The following SPRYD3 variants were observed in gnomAD, a reference collection of about 807,000 sequenced individuals.
The protein encoded by SPRYD3 is SPRY domain-containing protein 3.
In SPRYD3, 17 loss-of-function variants were observed where a neutral mutation model predicts 50.1. That is an observed-to-expected ratio of 0.34 (90% CI 0.23 to 0.51). The LOEUF (loss-of-function observed/expected upper bound fraction) is 0.51. Ranked by LOEUF, SPRYD3 falls within the 20% of genes least tolerant of loss-of-function variation. The pLI, the probability that SPRYD3 is intolerant of heterozygous loss-of-function variation, is 0.97. For synonymous variants in SPRYD3, 198 were observed against 215.5 expected, an observed-to-expected ratio of 0.92 and a Z score of 0.71; for missense variants, 401 against 591.2, an observed-to-expected ratio of 0.68 and a Z score of 3.34.
chr12:53,065,028 C>A lies in SPRYD3; in HGVS notation c.*804G>T. 6.6e-6 allele frequency: 1 copy of A among 152,636 alleles called. No homozygotes were observed. Among genetic ancestry groups the A allele is most frequent in the African/African-American group, 2.4e-5 (1 of 41,588 alleles). The allele number at this position is 152,636 out of a possible 1,614,324, so 9.5% of individuals were successfully genotyped here. A position where few individuals can be genotyped will look rare whatever the true frequency, so the allele number is the denominator to read the frequency against. On this transcript the variant is annotated 3_prime_UTR_variant, in exon 11 of 11. Transcript: ENST00000301463. Reference sequence around the variant, plus strand: ...TCTTGCCCTCACGCTGGCAGGGAGACAGGCCCCAGAGCCTCAGCCCCAATA... The same window carrying A: ...TCTTGCCCTCACGCTGGCAGGGAGAAAGGCCCCAGAGCCTCAGCCCCAATA...
intron 1 of SPRYD3, chr12:53,078,218 G>T (rs11170400): frequency 0.087 from 32,502 of 372,216 alleles, 2,004 homozygotes; most frequent in East Asian, 0.13. Context: ...CCTGGGCCTG[G>T]TGGCTCACGT....
rs1255209953 is a variant in SPRYD3 at position 53,074,061 on chromosome 12, G to T, written c.507+588C>A. On this transcript the variant is annotated intron_variant, in intron 5 of 10. Coordinates refer to ENST00000301463, the MANE Select transcript of SPRYD3 (RefSeq NM_032840.3). The surrounding 1 kb of genome is among the most constrained non-coding windows in gnomAD (Gnocchi z 4.6). ...CTGGACAGGAGAGTGCCGAGGCGCAGATGCTAAGGCAGCAGGACCCCTTGG... is the reference window on the plus strand; with the variant it reads ...CTGGACAGGAGAGTGCCGAGGCGCATATGCTAAGGCAGCAGGACCCCTTGG... Among the ~76,000 whole-genome samples the T allele has an allele frequency of 6.6e-6, 1 of 152,094 alleles. No homozygotes were observed. Among genetic ancestry groups the T allele is most frequent in the African/African-American group, 2.4e-5 (1 of 41,408 alleles).
At chr12:53,067,518 A>G in intron 8 of SPRYD3, 130 bp downstream of exon 8, 3 of 806,176 alleles carry the variant, frequency 3.7e-6, no homozygotes, top group Non-Finnish European at 6.3e-6. Flanking sequence ...GCGATTTGGG[A>G]AGGGGAGGTC....
intron 2 of SPRYD3, among the ~76,000 whole-genome samples, chr12:53,076,135 C>A (rs536297378): frequency 1.3e-5 from 2 of 152,248 alleles, no homozygotes; most frequent in Non-Finnish European, 2.9e-5. Flanking sequence ...TCTCATGCTG[C>A]AGCTTCAGCC....
chr12:53,069,163 T>C (rs542249399), intron 6 of SPRYD3, among the ~76,000 whole-genome samples: 1 of 152,224 alleles, frequency 6.6e-6, no homozygotes, highest in East Asian at 1.9e-4. Context: ...TCAGTTGTCA[T>C]GGTAATAGTG....
In SPRYD3 at chr12:53,077,265, C is replaced by T; in HGVS notation, c.24-4G>A. 3 of 1,614,098 alleles carry T rather than the reference C, an allele frequency of 1.9e-6. No individual in the cohort carries two copies. In the East Asian group the frequency reaches 6.7e-5, roughly 36 times the overall value. On this transcript the variant is annotated splice_region_variant and splice_polypyrimidine_tract_variant and intron_variant, in intron 1 of 10. Coordinates refer to ENST00000301463, the MANE Select transcript of SPRYD3 (RefSeq NM_032840.3). Reference sequence around the variant, plus strand: ...CATCTTGTTCATGAGAACAAACCTGCCAAGGGGAGAAGGGGATTGAGGAGA... The same window carrying T: ...CATCTTGTTCATGAGAACAAACCTGTCAAGGGGAGAAGGGGATTGAGGAGA...
Position 53,073,308 on chromosome 12 carries a change from T to C in SPRYD3, c.671A>G (p.His224Arg). Residue 224 changes from histidine (H) to arginine (R), a missense_variant, in exon 6 of 11, where the codon CAT becomes CGT. His to Arg is a conservative substitution (Grantham distance 29). Coordinates refer to ENST00000301463, the MANE Select transcript of SPRYD3 (RefSeq NM_032840.3). ...TACAGTCCCACAGACTCTGACATCA[T>C]GTAGCCGGCCCCATTCATCCTCGTA... ...DSYEDEWGRLHDVRVCGTLLE... is the reference protein window; with the variant it reads ...DSYEDEWGRLRDVRVCGTLLE... The C allele has an allele frequency of 3.4e-6, 4 of 1,185,820 alleles. No homozygotes were observed. The highest frequency in any genetic ancestry group is 1.8e-5 in the African/African-American group (1 of 55,250). 73.5% of individuals were successfully genotyped at this position (1,185,820 alleles called of 1,614,324 possible).
rs913490633 is a variant in SPRYD3, at chr12:53,074,725, C to T, written c.431G>A (p.Arg144Gln). ...CACAGGCTCAATGCCACAGCCAATC[C>T]GGTCCCCGGAGTTGCACTTTGACCC... ...QFGSKCNSGD[R>Q]IGCGIEPVSF... Residue 144 changes from arginine (R) to glutamine (Q), a missense_variant, in exon 5 of 11, where the codon CGG (arginine) becomes CAG (glutamine). Physicochemically the swap from Arg to Gln is conservative, Grantham distance 43 (BLOSUM62 1). Transcript: ENST00000301463. This position sits in a 1 kb window ranked among gnomAD's most constrained non-coding sequence, Gnocchi z 4.6. The T allele has an allele frequency of 4.3e-6, 7 of 1,614,170 alleles. No individual in the cohort carries two copies. Among genetic ancestry groups the T allele is most frequent in the African/African-American group, 2.7e-5 (2 of 74,954 alleles).
intron 6 of SPRYD3, among the ~76,000 whole-genome samples, chr12:53,068,794 G>A (rs190493631): frequency 2.0e-5 from 3 of 152,308 alleles, no homozygotes; most frequent in Non-Finnish European, 2.9e-5. Context: ...CAGGGGAAGC[G>A]GGTGAGTTCA....
Position 53,065,939 on chromosome 12 carries a change from T to C in SPRYD3, c.1222A>G (p.Ile408Val). Residue 408 changes from isoleucine (I) to valine (V), a missense_variant, in exon 11 of 11, where the codon ATT (isoleucine) becomes GTT (valine). Coordinates refer to ENST00000301463, the MANE Select transcript of SPRYD3 (RefSeq NM_032840.3). ...GGAACAACAGCATCCTTCTTCCCAATGATCTTGCCATTCCGAGTGAAGAAA... is the reference window on the plus strand; with the variant it reads ...GGAACAACAGCATCCTTCTTCCCAACGATCTTGCCATTCCGAGTGAAGAAA... ...VVFFTRNGKI[I>V]GKKDAVVPSG... 1 of 1,613,414 alleles carries C rather than the reference T, an allele frequency of 6.2e-7. No individual in the cohort carries two copies. The highest frequency in any genetic ancestry group is 8.5e-7 in the Non-Finnish European group (1 of 1,179,416).
Position 53,074,660 on chromosome 12 carries a change from T to C in SPRYD3, c.496A>G (p.Asn166Asp), listed in dbSNP as rs1422864311. The change falls in exon 5 of 11, where the codon AAT becomes GAT. Residue 166 changes from asparagine to aspartate, a missense_variant. By Grantham distance (23) the Asn-to-Asp change is conservative. Coordinates refer to ENST00000301463, the MANE Select transcript of SPRYD3 (RefSeq NM_032840.3). This position sits in a 1 kb window ranked among gnomAD's most constrained non-coding sequence, Gnocchi z 4.6. ...TATTTCCCACTCACCCGCTTCCCATTTTTGGTGAAGAAGATCTGGGCGGTC... is the reference window on the plus strand; with the variant it reads ...TATTTCCCACTCACCCGCTTCCCATCTTTGGTGAAGAAGATCTGGGCGGTC... The part of the protein sequence containing the change: ...VQTAQIFFTK[N>D]GKRVGSTIMP... 2 of 1,614,242 alleles carry C rather than the reference T, an allele frequency of 1.2e-6. No individual in the cohort carries two copies. Among genetic ancestry groups the C allele is most frequent in the South Asian group, 2.2e-5 (2 of 91,088 alleles).
In SPRYD3 at chr12:53,079,308, T is replaced by C; in HGVS notation, c.23+3A>G. 1 of 1,606,826 alleles carries C rather than the reference T, an allele frequency of 6.2e-7. No individual in the cohort carries two copies. Among genetic ancestry groups the C allele is most frequent in the Non-Finnish European group, 8.5e-7 (1 of 1,176,952 alleles). On this transcript the variant is annotated splice_donor_region_variant and intron_variant, in intron 1 of 10. Coordinates refer to ENST00000301463, the MANE Select transcript of SPRYD3 (RefSeq NM_032840.3). Reference sequence around the variant, plus strand: ...CGGGACCCCGCCCCCGATCCCCGCCTACCGGGGCCGCCGCGTCCTCCTCAT... The same window carrying C: ...CGGGACCCCGCCCCCGATCCCCGCCCACCGGGGCCGCCGCGTCCTCCTCAT...
chr12:53,069,864 G>A (rs1249819740), intron 6 of SPRYD3, among the ~76,000 whole-genome samples: 1 of 152,116 alleles, frequency 6.6e-6, no homozygotes, highest in East Asian at 1.9e-4. Flanking sequence ...GAACTGGGTG[G>A]GGGACCCCAC....
At chr12:53,073,255 A>AGGCCCCGGGGGGGGGGGGGGGG in intron 6 of SPRYD3, 31 bp downstream of exon 6, 6 of 383,666 alleles carry the variant, frequency 1.6e-5, no homozygotes, top group Non-Finnish European at 2.5e-5. Flanking sequence ...CCTCCGACCC[A>AGGCCCCGGGGGGGGGGGGGGGG]GCCCCTCCCA....
In SPRYD3 at chr12:53,074,782, A is replaced by G; in HGVS notation, c.374T>C (p.Leu125Pro). The change falls in exon 5 of 11, where the codon CTG (leucine) becomes CCG (proline). Residue 125 changes from leucine to proline, a missense_variant and splice_region_variant. By Grantham distance (98) the Leu-to-Pro change is moderately conservative. Coordinates refer to ENST00000301463, the MANE Select transcript of SPRYD3 (RefSeq NM_032840.3). This position sits in a 1 kb window ranked among gnomAD's most constrained non-coding sequence, Gnocchi z 4.6. ...GCGGCCCTTGGCTCGGCCATTGTAC[A>G]GCCTACAGACAGAGTAGTACAGACA... ...SVAYHADDGK[L>P]YNGRAKGRQF... The G allele has an allele frequency of 6.2e-7, 1 of 1,614,238 alleles. No individual in the cohort carries two copies. Among genetic ancestry groups the G allele is most frequent in the South Asian group, 1.1e-5 (1 of 91,084 alleles).
Position 53,077,100 on chromosome 12 carries a change from T to G in SPRYD3, c.170+15A>C. ...GAACAGAGAAGAAAATGTGGAAGCA[T>G]TCTCCTGAACTCACCTTAAAGTATC... On this transcript the variant is annotated intron_variant, in intron 2 of 10. Coordinates refer to ENST00000301463, the MANE Select transcript of SPRYD3 (RefSeq NM_032840.3). The G allele has an allele frequency of 6.2e-7, 1 of 1,612,316 alleles. No homozygotes were observed.
chr12:53,067,974 T>C (rs1944522046), intron 7 of SPRYD3, among the ~76,000 whole-genome samples, 181 bp downstream of exon 7: 1 of 152,160 alleles, frequency 6.6e-6, no homozygotes, highest in South Asian at 2.1e-4. Flanking sequence ...CTCAGGTCCT[T>C]GGTCACATGG....
In SPRYD3 at chr12:53,077,341, G is replaced by A. The variant is rs1428796880; in HGVS notation, c.24-80C>T. ...CAGCCTCTGTGACCCAGAAGGTAGA[G>A]AAGGCACTGGCCTTGAGGCCAGCTG... On this transcript the variant is annotated intron_variant, in intron 1 of 10. Coordinates refer to ENST00000301463, the MANE Select transcript of SPRYD3 (RefSeq NM_032840.3). 3 of 1,521,950 alleles carry A rather than the reference G, an allele frequency of 2.0e-6. No individual in the cohort carries two copies. In the East Asian group the frequency reaches 7.0e-5, roughly 36 times the overall value. 94.3% of individuals were successfully genotyped at this position (1,521,950 alleles called of 1,614,324 possible). A position where few individuals can be genotyped will look rare whatever the true frequency, so the allele number is the denominator to read the frequency against.
Position 53,074,693 on chromosome 12 carries a change from C to G in SPRYD3, c.463G>C (p.Asp155His). Residue 155 changes from aspartate to histidine, a missense_variant, in exon 5 of 11, where the codon GAT becomes CAT. By Grantham distance (81) the Asp-to-His change is moderately conservative (BLOSUM62 -1). Transcript: ENST00000301463. This position sits in a 1 kb window ranked among gnomAD's most constrained non-coding sequence, Gnocchi z 4.6. ...IGCGIEPVSF[D>H]VQTAQIFFTK... Reference sequence around the variant, plus strand: ...AAGAAGATCTGGGCGGTCTGCACATCAAAGGACACAGGCTCAATGCCACAG... The same window carrying G: ...AAGAAGATCTGGGCGGTCTGCACATGAAAGGACACAGGCTCAATGCCACAG... 6.2e-7 allele frequency: 1 copy of G among 1,614,272 alleles called. No individual in the cohort carries two copies.
Sources: allele counts gnomAD v4.1 joint callset (sites outside exome capture counted in the v4.1 genomes callset), GRCh38; gene constraint gnomAD v4.1.1; non-coding constraint Gnocchi (gnomAD v3.1); transcripts MANE v1.5; gene names NCBI Gene and HGNC (gene_info 2026-07-23, HGNC 2026-07-21).